The following CABLES1 variants were observed in gnomAD, a reference collection of about 807,000 sequenced individuals.
The protein encoded by CABLES1 is Cdk5 and Abl enzyme substrate 1.
Under a neutral mutation model 57.8 loss-of-function variants are expected in CABLES1, and 36 were observed. The observed-to-expected ratio is 0.62, with a 90% CI of 0.48 to 0.82. The LOEUF is 0.82. Ranked by LOEUF, CABLES1 falls within the 40% of genes least tolerant of loss-of-function variation. CABLES1 has a pLI of 0.00. For missense variants in CABLES1, 767 were observed against 836.6 expected, an observed-to-expected ratio of 0.92 and a Z score of 1.03; for synonymous variants, 374 against 363.0, an observed-to-expected ratio of 1.03 and a Z score of -0.35.
chr18:23,204,718 C>T (rs2047350209), intron 3 of CABLES1: 1 of 152,388 alleles, frequency 6.6e-6, no homozygotes. Flanking sequence ...GGGGAGGCCT[C>T]ACAATCATGG....
chr18:23,214,135 A>AT, intron 4 of CABLES1, 81 bp downstream of exon 4: 1 of 965,404 alleles, frequency 1.0e-6, no homozygotes, highest in Non-Finnish European at 1.6e-6. Context: ...CATCCTTTCC[A>AT]TTTTCAAGAA....
chr18:23,171,706 A>G (rs1183990346), intron 1 of CABLES1, among the ~76,000 whole-genome samples: 1 of 152,028 alleles, frequency 6.6e-6, no homozygotes, highest in African/African-American at 2.4e-5. Context: ...CCTCGCATCT[A>G]ACGGAGCCAC....
intron 1 of CABLES1, among the ~76,000 whole-genome samples, chr18:23,153,510 G>C (rs897619470): frequency 6.6e-6 from 1 of 152,136 alleles, no homozygotes; most frequent in Non-Finnish European, 1.5e-5. Flanking sequence ...GAGGCAGACA[G>C]ATCACTTGAG....
In CABLES1 at chr18:23,258,763, A is replaced by C. The variant is rs913158162; in HGVS notation, c.*1396A>C. 1.3e-5 allele frequency: 2 copies of C among 152,156 alleles called. No individual in the cohort carries two copies. Among genetic ancestry groups the C allele is most frequent in the African/African-American group, 4.8e-5 (2 of 41,434 alleles). The allele number at this position is 152,156 out of a possible 1,614,324, so 9.4% of individuals were successfully genotyped here. ...TGAGGTCACAGATTCGGAGCTTCACACACCAGCCCAGAGAAAGGGCGATGG... is the reference window on the plus strand; with the variant it reads ...TGAGGTCACAGATTCGGAGCTTCACCCACCAGCCCAGAGAAAGGGCGATGG... On this transcript the variant is annotated 3_prime_UTR_variant, in exon 10 of 10. Coordinates refer to ENST00000256925, the MANE Select transcript of CABLES1 (RefSeq NM_001100619.3).
chr18:23,215,370 ACC>A (rs1333929801), intron 4 of CABLES1, among the ~76,000 whole-genome samples: 1 of 151,800 alleles, frequency 6.6e-6, no homozygotes, highest in African/African-American at 2.4e-5. Context: ...ACCTGGTGTG[ACC>A]CCAGAGGCCA....
At chr18:23,207,035 C>G (rs1282000149) in intron 3 of CABLES1, among the ~76,000 whole-genome samples, 3 of 152,130 alleles carry the variant, frequency 2.0e-5, no homozygotes, top group Non-Finnish European at 4.4e-5. Flanking sequence ...TGGTCTCAAA[C>G]TCTTGAGTTC....
At position 23,174,966 on chromosome 18, in the gene CABLES1, G is replaced by A. The variant is rs1191967845; in HGVS notation, c.846-13872G>A. On this transcript the variant is annotated intron_variant, in intron 1 of 9. Coordinates refer to ENST00000256925, the MANE Select transcript of CABLES1 (RefSeq NM_001100619.3). The stretch of plus-strand genomic sequence containing the variant: ...ACTAATTATGCATTAGTTAACTCAC[G>A]CTGCCGCCTAAGTTGATTTTTTGCA... Among the ~76,000 whole-genome samples, 3 of 151,064 alleles carry A rather than the reference G, an allele frequency of 2.0e-5. No individual in the cohort carries two copies. The East Asian group carries it at 5.8e-4, about 29-fold the overall frequency.
chr18:23,215,266 C>G (rs1386165482), intron 4 of CABLES1, among the ~76,000 whole-genome samples: 1 of 152,156 alleles, frequency 6.6e-6, no homozygotes, highest in East Asian at 1.9e-4. Context: ...TCGGGCAGCT[C>G]TCTTTGACTG....
intron 7 of CABLES1, 73 bp downstream of exon 7, chr18:23,237,318 G>T: frequency 9.9e-7 from 1 of 1,010,908 alleles, no homozygotes; most frequent in Non-Finnish European, 1.6e-6. Context: ...GCCGGCTGGG[G>T]GCTTGTTCAA....
chr18:23,170,617 C>T (rs1053427336), intron 1 of CABLES1, among the ~76,000 whole-genome samples: 2 of 152,162 alleles, frequency 1.3e-5, no homozygotes, highest in African/African-American at 4.8e-5. Flanking sequence ...GACTATGAGG[C>T]ATTACATCTC....
intron 4 of CABLES1, among the ~76,000 whole-genome samples, chr18:23,232,445 GTATTTTTGCTTCA>G (rs1847104544): frequency 6.6e-6 from 1 of 152,234 alleles, no homozygotes; most frequent in Non-Finnish European, 1.5e-5. Context: ...CCCACCGCAG[GTATTTTTGCTTCA>G]TTGCCTTGTT....
At chr18:23,213,705 G>C (rs1421068295) in intron 3 of CABLES1, among the ~76,000 whole-genome samples, 5 of 152,214 alleles carry the variant, frequency 3.3e-5, no homozygotes, top group Admixed American at 3.3e-4. Flanking sequence ...ACAGCAAGCA[G>C]GTCTTGCAGG....
intron 4 of CABLES1, among the ~76,000 whole-genome samples, chr18:23,228,717 T>A (rs1415917946): frequency 1.3e-4 from 15 of 113,634 alleles, no homozygotes; most frequent in African/African-American, 1.7e-4. Context: ...CCCACCCCCG[T>A]GGGCCAGTTT....
At chr18:23,253,609 C>T (rs2048093035) in intron 8 of CABLES1, 120 bp from the exon 9 acceptor site, 1 of 814,444 alleles carries the variant, frequency 1.2e-6, no homozygotes, top group African/African-American at 1.7e-5. Context: ...GACTTAATCC[C>T]AGTCCAGATC....
chr18:23,138,323 A>G (rs1443997052), intron 1 of CABLES1, among the ~76,000 whole-genome samples: 2 of 152,166 alleles, frequency 1.3e-5, no homozygotes, highest in African/African-American at 2.4e-5. Flanking sequence ...TCCTATAAAT[A>G]TGAATCTTTT....
At chr18:23,211,165 C>T (rs1168851609) in intron 3 of CABLES1, among the ~76,000 whole-genome samples, 1 of 151,960 alleles carries the variant, frequency 6.6e-6, no homozygotes, top group Admixed American at 6.6e-5. Flanking sequence ...TTGGATTGCA[C>T]TTGCATTTAT....
intron 1 of CABLES1, among the ~76,000 whole-genome samples, chr18:23,174,759 CA>C (rs1170021549): frequency 1.4e-5 from 2 of 147,718 alleles, no homozygotes; most frequent in Non-Finnish European, 3.0e-5. Flanking sequence ...GGTGTGAGCC[CA>C]CCGCGCCCGG....
At chr18:23,251,446 G>A (rs762842353) in intron 7 of CABLES1, among the ~76,000 whole-genome samples, 4 of 151,890 alleles carry the variant, frequency 2.6e-5, no homozygotes, top group African/African-American at 9.7e-5. Context: ...GCATGACTCC[G>A]TCTCAAAAAA....
intron 3 of CABLES1, among the ~76,000 whole-genome samples, chr18:23,205,901 G>A (rs1469970007): frequency 6.6e-6 from 1 of 152,104 alleles, no homozygotes; most frequent in African/African-American, 2.4e-5. Context: ...CACACGGGGA[G>A]AATGCTGTGT....
Sources: allele counts gnomAD v4.1 joint callset (sites outside exome capture counted in the v4.1 genomes callset), GRCh38; gene constraint gnomAD v4.1.1; transcripts MANE v1.5; gene names NCBI Gene and HGNC (gene_info 2026-07-23, HGNC 2026-07-21).